Variants in CNTN6 observed in about 807,000 individuals in gnomAD.
The protein encoded by CNTN6 is contactin-6.
In CNTN6, 137 loss-of-function variants were observed where a neutral mutation model predicts 122.8. That is an observed-to-expected ratio of 1.12 (90% CI 0.97 to 1.29). The LOEUF is 1.29. CNTN6 is among the 50% of genes most tolerant of loss of function. The probability of loss-of-function intolerance (pLI) is 0.00; values close to 1 mark genes in which losing one functional copy is unlikely to be tolerated. For missense variants in CNTN6, 1,634 were observed against 1,223.4 expected, an observed-to-expected ratio of 1.34 and a Z score of -5.01; for synonymous variants, 570 against 426.0, an observed-to-expected ratio of 1.34 and a Z score of -4.16.
chr3:1,336,246 C>T (rs957247552), intron 11 of CNTN6, among the ~76,000 whole-genome samples: 1 of 151,962 alleles, frequency 6.6e-6, no homozygotes, highest in Non-Finnish European at 1.5e-5. Context: ...ACTTTAAGCA[C>T]CTTCTACATG....
intron 7 of CNTN6, among the ~76,000 whole-genome samples, chr3:1,312,646 T>C (rs974395600): frequency 8.0e-5 from 12 of 150,614 alleles, no homozygotes; most frequent in African/African-American, 2.9e-4. Context: ...TATTGACTGG[T>C]TGCAAGACAC....
intron 2 of CNTN6, among the ~76,000 whole-genome samples, chr3:1,157,309 C>G (rs1041052886): frequency 6.6e-6 from 1 of 152,010 alleles, no homozygotes; most frequent in Non-Finnish European, 1.5e-5. Context: ...CCTCTGCCTC[C>G]CAGGTTCAAG....
intron 20 of CNTN6, among the ~76,000 whole-genome samples, chr3:1,400,992 GCTAA>G (rs1307449318): frequency 1.3e-5 from 2 of 152,030 alleles, no homozygotes; most frequent in East Asian, 1.9e-4. Flanking sequence ...CAGTTAGAAA[GCTAA>G]CTAATACAAT....
chr3:1,278,362 T>C lies in CNTN6; in HGVS notation c.359-51T>C, dbSNP rs765607515. On this transcript the variant is annotated intron_variant, in intron 4 of 22. Coordinates refer to ENST00000446702, the MANE Select transcript of CNTN6 (RefSeq NM_001289080.2). ...ATTCTTGAGATTCTTCTTTAAAATATTTATTCTGCAAAGTAACTAATTATA... is the reference window on the plus strand; with the variant it reads ...ATTCTTGAGATTCTTCTTTAAAATACTTATTCTGCAAAGTAACTAATTATA... The C allele has an allele frequency of 2.4e-6, 3 of 1,236,748 alleles. No homozygotes were observed. The Admixed American group carries it at 6.2e-5, about 25-fold the overall frequency. The allele number at this position is 1,236,748 out of a possible 1,614,324, so 76.6% of individuals were successfully genotyped here.
At chr3:1,154,448 C>CTTTTCTTTTCTTTTCTT (rs1575043271) in intron 2 of CNTN6, among the ~76,000 whole-genome samples, 1 of 140,478 alleles carries the variant, frequency 7.1e-6, no homozygotes, top group African/African-American at 2.8e-5. Context: ...TCTTTTCTTT[C>CTTTTCTTTTCTTTTCTT]TTTTTTTTTT....
At position 1,240,954 on chromosome 3, in the gene CNTN6, G is replaced by A. The variant is rs556691161; in HGVS notation, c.358+12961G>A. Among the ~76,000 whole-genome samples, 5 of 151,960 alleles carry A rather than the reference G, an allele frequency of 3.3e-5. No individual in the cohort carries two copies. The East Asian group carries it at 9.7e-4, about 29-fold the overall frequency. On this transcript the variant is annotated intron_variant, in intron 4 of 22. Coordinates refer to ENST00000446702, the MANE Select transcript of CNTN6 (RefSeq NM_001289080.2). ...CAGTCAAAGGGGGTTGTTCTCTGGT[G>A]GGCATGGGTGGATCTCACAAAGTAC...
chr3:1,379,986 G>A (rs1222532170), intron 17 of CNTN6, among the ~76,000 whole-genome samples: 1 of 152,132 alleles, frequency 6.6e-6, no homozygotes, highest in South Asian at 2.1e-4. Flanking sequence ...GATGAGAAAA[G>A]GTCTGAATGC....
intron 2 of CNTN6, among the ~76,000 whole-genome samples, chr3:1,154,448 C>CTTTTCTTTT (rs1575043271): frequency 1.1e-3 from 152 of 140,506 alleles, no homozygotes; most frequent in African/African-American, 3.7e-3. Flanking sequence ...TCTTTTCTTT[C>CTTTTCTTTT]TTTTTTTTTT....
At chr3:1,163,801 A>C (rs2093187372) in intron 2 of CNTN6, among the ~76,000 whole-genome samples, 1 of 152,212 alleles carries the variant, frequency 6.6e-6, no homozygotes, top group Non-Finnish European at 1.5e-5. Flanking sequence ...ACAAACTATT[A>C]ATCTGAGGAG....
At chr3:1,287,549 A>T (rs1183954987) in intron 5 of CNTN6, among the ~76,000 whole-genome samples, 1 of 152,168 alleles carries the variant, frequency 6.6e-6, no homozygotes, top group African/African-American at 2.4e-5. Flanking sequence ...GTTTCCTAGC[A>T]ATTCACTCAG....
In CNTN6 at chr3:1,348,285, G is replaced by T. The variant is rs116206810; in HGVS notation, c.1365-4039G>T. 4.3e-3 allele frequency among the ~76,000 whole-genome samples: 655 copies of T among 151,654 alleles called. 6 individuals are homozygous for T. The highest frequency in any genetic ancestry group is 0.015 in the African/African-American group (618 of 41,394). ...CAAAGCCCAAGTTTTTATCCACTCT[G>T]CTAATTACACCATAATTGCACAGGA... On this transcript the variant is annotated intron_variant, in intron 11 of 22. Coordinates refer to ENST00000446702, the MANE Select transcript of CNTN6 (RefSeq NM_001289080.2).
At chr3:1,266,241 C>T (rs937392884) in intron 4 of CNTN6, among the ~76,000 whole-genome samples, 2 of 152,166 alleles carry the variant, frequency 1.3e-5, no homozygotes, top group African/African-American at 4.8e-5. Context: ...GGGTCCTTAT[C>T]ACTGAACCTA....
intron 3 of CNTN6, among the ~76,000 whole-genome samples, chr3:1,222,674 C>T (rs1327498228): frequency 6.6e-6 from 1 of 151,920 alleles, no homozygotes; most frequent in Non-Finnish European, 1.5e-5. Flanking sequence ...TGCTTATTTC[C>T]AGCCCCCATA....
intron 11 of CNTN6, among the ~76,000 whole-genome samples, chr3:1,335,676 A>G (rs1575752237): frequency 6.6e-6 from 1 of 152,290 alleles, no homozygotes; most frequent in East Asian, 1.9e-4. Context: ...GCTATCAACA[A>G]TAAAAACAAA....
chr3:1,182,778 T>C (rs1419321170), intron 2 of CNTN6, among the ~76,000 whole-genome samples: 5 of 152,134 alleles, frequency 3.3e-5, no homozygotes, highest in Non-Finnish European at 5.9e-5. Context: ...TGTAATACAA[T>C]TGAAATGTTT....
At chr3:1,160,581 A>C (rs182604072) in intron 2 of CNTN6, among the ~76,000 whole-genome samples, 46 of 151,312 alleles carry the variant, frequency 3.0e-4, no homozygotes, top group Non-Finnish European at 5.5e-4. Context: ...AAAAGGACCT[A>C]AGTGCTTTTA....
intron 3 of CNTN6, among the ~76,000 whole-genome samples, chr3:1,225,704 T>G (rs1369407737): frequency 6.6e-6 from 1 of 151,558 alleles, no homozygotes; most frequent in Non-Finnish European, 1.5e-5. Context: ...TTATTGTTTT[T>G]TTTTTTTTTC....
intron 11 of CNTN6, among the ~76,000 whole-genome samples, chr3:1,351,970 G>C (rs148314675): frequency 3.7e-4 from 57 of 152,046 alleles, no homozygotes; most frequent in African/African-American, 1.3e-3. Flanking sequence ...TTTTGCCAGT[G>C]AGTTGACTTT....
intron 4 of CNTN6, among the ~76,000 whole-genome samples, chr3:1,259,844 T>G (rs562177835): frequency 6.6e-6 from 1 of 152,220 alleles, no homozygotes; most frequent in South Asian, 2.1e-4. Flanking sequence ...CAGTATACTA[T>G]ATGTAATTAT....
Sources: allele counts gnomAD v4.1 joint callset (sites outside exome capture counted in the v4.1 genomes callset), GRCh38; gene constraint gnomAD v4.1.1; transcripts MANE v1.5; gene names NCBI Gene and HGNC (gene_info 2026-07-23, HGNC 2026-07-21).